RBFOX1: variants seen among roughly 807,000 people sequenced by gnomAD.
The protein encoded by RBFOX1 is RNA binding fox-1 homolog 1, also known as RNA binding protein fox-1 homolog 1.
Under a neutral mutation model 57.7 loss-of-function variants are expected in RBFOX1, and 8 were observed. The ratio of observed to expected loss-of-function variants is 0.14; its 90% confidence interval spans 0.08 to 0.25. RBFOX1 has a LOEUF of 0.25. Ranked by LOEUF, RBFOX1 falls within the 10% of genes least tolerant of loss-of-function variation. The probability of loss-of-function intolerance (pLI) is 1.00; values close to 1 mark genes in which losing one functional copy is unlikely to be tolerated. For missense variants in RBFOX1, 611 were observed against 548.5 expected, an observed-to-expected ratio of 1.11 and a Z score of -1.14; for synonymous variants, 326 against 222.4, an observed-to-expected ratio of 1.47 and a Z score of -4.15.
At chr16:7,640,995 T>C (rs781184668) in intron 11 of RBFOX1, among the ~76,000 whole-genome samples, 2 of 151,760 alleles carry the variant, frequency 1.3e-5, no homozygotes, top group African/African-American at 2.4e-5. Context: ...GTTCTTGGAA[T>C]GTAAAAGAGG....
chr16:7,248,400 A>G (rs757226614), intron 4 of RBFOX1, among the ~76,000 whole-genome samples: 5 of 152,224 alleles, frequency 3.3e-5, no homozygotes, highest in Non-Finnish European at 5.9e-5. Flanking sequence ...ACATTTGTGC[A>G]GAATCTTCTA....
intron 3 of RBFOX1, among the ~76,000 whole-genome samples, chr16:6,953,889 C>T (rs967034773): frequency 3.9e-5 from 6 of 152,020 alleles, no homozygotes; most frequent in Non-Finnish European, 7.4e-5. Flanking sequence ...CAGTTGTTGA[C>T]GTAAAGTTTT....
chr16:5,970,821 A>T (rs76025731), intron 4 of RBFOX1, among the ~76,000 whole-genome samples: 2,598 of 152,340 alleles, frequency 0.017, 92 homozygotes, highest in African/African-American at 0.059. Context: ...GCCTTGAGTC[A>T]GTATGCACAT....
intron 12 of RBFOX1, 161 bp from the exon 13 acceptor site, chr16:7,664,768 C>G: frequency 2.3e-6 from 3 of 1,303,038 alleles, no homozygotes; most frequent in Non-Finnish European, 3.2e-6. Flanking sequence ...GTTTGCTCAA[C>G]TGCCGTTGTC....
intron 4 of RBFOX1, among the ~76,000 whole-genome samples, chr16:5,888,300 A>G (rs140351866): frequency 6.6e-6 from 1 of 152,048 alleles, no homozygotes; most frequent in South Asian, 2.1e-4. Context: ...CTCATTATCC[A>G]TCCCAAAGTG....
chr16:7,171,850 T>C (rs1460922338), intron 4 of RBFOX1, among the ~76,000 whole-genome samples: 2 of 152,200 alleles, frequency 1.3e-5, no homozygotes, highest in East Asian at 3.9e-4. Flanking sequence ...TCGCATAGTT[T>C]AAAGTGGGAT....
chr16:6,120,378 T>C (rs1256112645), intron 1 of RBFOX1, among the ~76,000 whole-genome samples: 1 of 152,160 alleles, frequency 6.6e-6, no homozygotes, highest in Non-Finnish European at 1.5e-5. Flanking sequence ...AGCCACCCCA[T>C]TTTACATTTC....
At chr16:6,540,416 A>C (rs1206612996) in intron 2 of RBFOX1, among the ~76,000 whole-genome samples, 1 of 151,902 alleles carries the variant, frequency 6.6e-6, no homozygotes, top group Non-Finnish European at 1.5e-5. Context: ...GATCGAGACT[A>C]TCCTGGCCAA....
At chr16:5,618,603 C>T (rs1040293865) in intron 3 of RBFOX1, among the ~76,000 whole-genome samples, 2 of 152,210 alleles carry the variant, frequency 1.3e-5, no homozygotes, top group African/African-American at 4.8e-5. Context: ...TCCCAAAGTG[C>T]TGGGATCACA....
intron 4 of RBFOX1, among the ~76,000 whole-genome samples, chr16:7,488,713 G>C (rs1460873421): frequency 6.6e-6 from 1 of 151,584 alleles, no homozygotes; most frequent in Non-Finnish European, 1.5e-5. Flanking sequence ...CCCTTATCTA[G>C]CTATACATTC....
chr16:6,623,715 A>G (rs1282802000), intron 2 of RBFOX1, among the ~76,000 whole-genome samples: 1 of 151,624 alleles, frequency 6.6e-6, no homozygotes, highest in Non-Finnish European at 1.5e-5. Context: ...TGTCCTTGCG[A>G]TAGTTTGCTG....
chr16:6,999,206 A>ATTTTATTTTTTT (rs1568299754), intron 3 of RBFOX1, among the ~76,000 whole-genome samples: 2 of 72,122 alleles, frequency 2.8e-5, no homozygotes, highest in African/African-American at 6.0e-5. Flanking sequence ...TTTATTTTTT[A>ATTTTATTTTTTT]TTTTTATTTA....
At chr16:6,195,338 G>A (rs547202059) in intron 1 of RBFOX1, among the ~76,000 whole-genome samples, 6 of 152,222 alleles carry the variant, frequency 3.9e-5, no homozygotes, top group East Asian at 3.9e-4. Context: ...CCCACCACAC[G>A]TTCCTTAAAA....
At chr16:5,423,708 A>G (rs2067426211) in intron 1 of RBFOX1, among the ~76,000 whole-genome samples, 1 of 151,992 alleles carries the variant, frequency 6.6e-6, no homozygotes, top group African/African-American at 2.4e-5. Flanking sequence ...CCCCCCTTCC[A>G]TTGACGATTG....
At chr16:7,538,064 C>T (rs1249848383) in intron 5 of RBFOX1, among the ~76,000 whole-genome samples, 1 of 152,070 alleles carries the variant, frequency 6.6e-6, no homozygotes, top group East Asian at 1.9e-4. Flanking sequence ...ATGGAGGTAC[C>T]CGCAGAGTGA....
intron 3 of RBFOX1, among the ~76,000 whole-genome samples, chr16:6,726,273 G>T (rs1480184518): frequency 6.6e-6 from 1 of 151,714 alleles, no homozygotes; most frequent in Non-Finnish European, 1.5e-5. Context: ...TTGTGACTCT[G>T]GTTTTATGTA....
At chr16:7,493,306 C>G (rs1220953514) in intron 4 of RBFOX1, among the ~76,000 whole-genome samples, 1 of 152,184 alleles carries the variant, frequency 6.6e-6, no homozygotes, top group Non-Finnish European at 1.5e-5. Context: ...CTGTGTTAGA[C>G]AGTACAGATA....
intron 3 of RBFOX1, among the ~76,000 whole-genome samples, chr16:6,871,911 C>CTGTG (rs57684251): frequency 0.095 from 12,360 of 129,466 alleles, 655 homozygotes; most frequent in South Asian, 0.12. Flanking sequence ...GGGAGAGAGT[C>CTGTG]TGTGTGTGTG....
At chr16:5,856,605 A>ATATATATATATATATATATAT (rs57978858) in intron 3 of RBFOX1, among the ~76,000 whole-genome samples, 85 of 73,956 alleles carry the variant, frequency 1.1e-3, no homozygotes, top group Non-Finnish European at 1.7e-3. Context: ...ATATATATAT[A>ATATATATATATATATATATAT]ATCTTAGCCA....
Sources: gnomAD v4.1 joint callset for allele counts (sites outside exome capture counted in the v4.1 genomes callset) on GRCh38, gnomAD v4.1.1 for gene constraint, MANE v1.5 for transcripts, NCBI Gene and HGNC (gene_info 2026-07-23, HGNC 2026-07-21) for gene names.